The following ARL5C variants were observed in gnomAD, a reference collection of about 807,000 sequenced individuals.
ARL5C encodes ARF like GTPase 5C.
A neutral mutation model predicts 20.8 loss-of-function variants in ARL5C; 21 were observed. That is an observed-to-expected ratio of 1.01 (90% CI 0.72 to 1.46). ARL5C has a LOEUF of 1.46. Ranked by LOEUF, ARL5C falls within the 40% of genes most tolerant of loss-of-function variation. The pLI is 0.00. For synonymous variants in ARL5C, 71 were observed against 81.6 expected (o/e 0.87, Z 0.70); for missense variants, 199 against 225.1 (o/e 0.88, Z 0.74).
At chr17:39,159,752 A>G (rs1427634717) in intron 5 of ARL5C, among the ~76,000 whole-genome samples, 2 of 152,198 alleles carry the variant, frequency 1.3e-5, no homozygotes, top group Non-Finnish European at 2.9e-5. Flanking sequence ...TGCTCAAGAA[A>G]GATTTGTGTA....
intron 4 of ARL5C, 106 bp from the exon 5 acceptor site, chr17:39,160,848 G>C (rs892694662): frequency 7.3e-7 from 1 of 1,374,764 alleles, no homozygotes; most frequent in Non-Finnish European, 9.8e-7. Context: ...CCCAGGAAGA[G>C]AGGCCCATGC....
intron 5 of ARL5C, 110 bp from the exon 6 acceptor site, chr17:39,157,052 C>T: frequency 8.7e-7 from 1 of 1,151,564 alleles, no homozygotes; most frequent in Non-Finnish European, 1.2e-6. Context: ...AAGTTACATC[C>T]AATAATTCAA....
chr17:39,165,291 A>C, intron 1 of ARL5C, 152 bp from the exon 2 acceptor site: 1 of 692,566 alleles, frequency 1.4e-6, no homozygotes, highest in East Asian at 2.7e-5. Flanking sequence ...CCCAGCTCCG[A>C]CACCTGCCCC....
At position 39,160,567 on chromosome 17, in the gene ARL5C, G is replaced by A. The variant is rs773542030; in HGVS notation, c.491+24C>T. 3.9e-6 allele frequency: 6 copies of A among 1,550,754 alleles called. No individual in the cohort carries two copies. The South Asian group carries it at 7.1e-5, about 18-fold the overall frequency. On this transcript the variant is annotated intron_variant, in intron 5 of 5. Transcript: ENST00000269586. Reference sequence around the variant, plus strand: ...TCCATTGGTTCAGCCAGGCCCTAGAGATCCAGGTAGGGCAGCCACTAACCC... The same window carrying A: ...TCCATTGGTTCAGCCAGGCCCTAGAAATCCAGGTAGGGCAGCCACTAACCC...
chr17:39,165,072 C>G lies in ARL5C; in HGVS notation c.107+7G>C. On this transcript the variant is annotated splice_region_variant and intron_variant, in intron 2 of 5. Transcript: ENST00000269586. ...CTCTCTACCCTCCCCGCCCGAGAGT[C>G]ACTTACAACCGGTAGAGAATGGTGG... The G allele has an allele frequency of 6.4e-7, 1 of 1,551,694 alleles. No individual in the cohort carries two copies. The highest frequency in any genetic ancestry group is 8.7e-7 in the Non-Finnish European group (1 of 1,146,956).
chr17:39,165,079 A>T lies in ARL5C; in HGVS notation c.107T>A (p.Phe36Tyr), dbSNP rs544012799. The T allele has an allele frequency of 6.5e-7, 1 of 1,549,206 alleles. No individual in the cohort carries two copies. The highest frequency in any genetic ancestry group is 8.7e-7 in the Non-Finnish European group (1 of 1,144,926). ...CCCTCCCCGCCCGAGAGTCACTTAC[A>T]ACCGGTAGAGAATGGTGGTCTTTCC... ...NEGKTTILYR[F>Y]LTNEVVHMCP... Residue 36 changes from phenylalanine to tyrosine, a missense_variant and splice_region_variant, in exon 2 of 6, where the codon TTC becomes TAC. Physicochemically the swap from Phe to Tyr is conservative, Grantham distance 22. Coordinates refer to ENST00000269586, the MANE Select transcript of ARL5C (RefSeq NM_001143968.1).
chr17:39,164,946 A>T (rs1447705768), intron 2 of ARL5C, 133 bp downstream of exon 2: 1 of 855,740 alleles, frequency 1.2e-6, no homozygotes, highest in Non-Finnish European at 1.9e-6. Flanking sequence ...AGGTCCAAGC[A>T]GCGTGCCCAA....
chr17:39,162,163 C>G (rs1361092000), intron 3 of ARL5C, among the ~76,000 whole-genome samples: 1 of 152,178 alleles, frequency 6.6e-6, no homozygotes, highest in Non-Finnish European at 1.5e-5. Flanking sequence ...AGAAAGCTGC[C>G]AGCAGCTGCC....
In ARL5C at chr17:39,165,714, C is replaced by T; in HGVS notation, c.46+1G>A. On this transcript the variant is annotated splice_donor_variant, in intron 1 of 5. Transcript: ENST00000269586. LOFTEE classifies it high-confidence loss of function. ...GCTTGGATGCCCTGTGCGCCCCTTA[C>T]CCTGGTTCCCGAAGATGCTCATTAA... 1 of 1,551,864 alleles carries T rather than the reference C, an allele frequency of 6.4e-7. No homozygotes were observed. The highest frequency in any genetic ancestry group is 8.7e-7 in the Non-Finnish European group (1 of 1,146,998).
chr17:39,158,145 A>C (rs1052629530), intron 5 of ARL5C, among the ~76,000 whole-genome samples: 3 of 133,860 alleles, frequency 2.2e-5, no homozygotes, highest in Non-Finnish European at 3.2e-5. Context: ...GGAAGGAAGG[A>C]AGGAAGAGAG....
chr17:39,161,441 T>A, intron 3 of ARL5C, 90 bp from the exon 4 acceptor site: 1 of 1,103,114 alleles, frequency 9.1e-7, no homozygotes, highest in Non-Finnish European at 1.3e-6. Flanking sequence ...GTCTCTGCAC[T>A]GCCCAGATGT....
intron 2 of ARL5C, 199 bp downstream of exon 2, chr17:39,164,880 G>C (rs768314898): frequency 1.8e-6 from 1 of 549,298 alleles, no homozygotes; most frequent in Non-Finnish European, 3.2e-6. Context: ...TGGGAGCTAG[G>C]GTTGCCTGTA....
At position 39,165,913 on chromosome 17, in the gene ARL5C, A is replaced by G. The variant is rs2045461361; in HGVS notation, c.-153T>C. 2 of 816,702 alleles carry G rather than the reference A, an allele frequency of 2.4e-6. No homozygotes were observed. The highest frequency in any genetic ancestry group is 3.9e-6 in the Non-Finnish European group (2 of 516,524). The allele number at this position is 816,702 out of a possible 1,614,324, so 50.6% of individuals were successfully genotyped here. On this transcript the variant is annotated 5_prime_UTR_variant, in exon 1 of 6. Transcript: ENST00000269586. The stretch of plus-strand genomic sequence containing the variant: ...CACACGTCACCAACCTGACCTGGGA[A>G]CCCTCTGGGACGCTGGCCCTTCGTG...
intron 2 of ARL5C, 60 bp downstream of exon 2, chr17:39,165,019 C>A (rs1476272730): frequency 3.3e-6 from 5 of 1,520,772 alleles, no homozygotes; most frequent in South Asian, 1.2e-5. Flanking sequence ...ATTGGTCCCC[C>A]TGCCTGTCAG....
At chr17:39,160,038 C>G (rs898233079) in intron 5 of ARL5C, among the ~76,000 whole-genome samples, 1 of 152,132 alleles carries the variant, frequency 6.6e-6, no homozygotes, top group Admixed American at 6.5e-5. Context: ...TTCTCAGCAC[C>G]TAAGATTATT....
Position 39,166,050 on chromosome 17 carries a change from A to G in ARL5C, c.-290T>C, listed in dbSNP as rs2049594004. ...CCCCCTCGCCCTGCGAAAACTCCTGAGTTCTCCGGGTGGACTGCTCCACTA... is the reference window on the plus strand; with the variant it reads ...CCCCCTCGCCCTGCGAAAACTCCTGGGTTCTCCGGGTGGACTGCTCCACTA... On this transcript the variant is annotated 5_prime_UTR_variant, in exon 1 of 6. Transcript: ENST00000269586. 1 of 458,528 alleles carries G rather than the reference A, an allele frequency of 2.2e-6. No individual in the cohort carries two copies. Among genetic ancestry groups the G allele is most frequent in the Non-Finnish European group, 4.0e-6 (1 of 250,634 alleles). The allele number at this position is 458,528 out of a possible 1,614,324, so 28.4% of individuals were successfully genotyped here. A position where few individuals can be genotyped will look rare whatever the true frequency, so the allele number is the denominator to read the frequency against.
intron 1 of ARL5C, 96 bp from the exon 2 acceptor site, chr17:39,165,235 C>G: frequency 4.6e-6 from 6 of 1,291,020 alleles, no homozygotes; most frequent in Non-Finnish European, 6.5e-6. Flanking sequence ...GATAGCGCTC[C>G]CCGCAGGCTG....
chr17:39,156,745 G>A (rs1041786881), downstream of ARL5C: 13 of 926,352 alleles, frequency 1.4e-5, no homozygotes, highest in East Asian at 1.1e-4. Context: ...TCTCAGCAAC[G>A]GGTTGGGAGA....
At chr17:39,159,473 T>A (rs2045424052) in intron 5 of ARL5C, among the ~76,000 whole-genome samples, 1 of 151,866 alleles carries the variant, frequency 6.6e-6, no homozygotes, top group Non-Finnish European at 1.5e-5. Flanking sequence ...ATTTTTGTAT[T>A]TTTAGTAGAG....
Sources: gnomAD v4.1 joint callset for allele counts (sites outside exome capture counted in the v4.1 genomes callset) on GRCh38, gnomAD v4.1.1 for gene constraint, MANE v1.5 for transcripts, NCBI Gene and HGNC (gene_info 2026-07-23, HGNC 2026-07-21) for gene names.